EVC2: variants seen among roughly 807,000 people sequenced by gnomAD.
The protein encoded by EVC2 is limbin.
EVC2 carries 148 observed loss-of-function variants against 149.3 expected under a neutral mutation model. The ratio of observed to expected loss-of-function variants is 0.99; its 90% CI spans 0.87 to 1.14. The LOEUF is 1.14. Among genes scored for constraint, EVC2 ranks in the 50% most tolerant of loss-of-function variants. The pLI, the probability that EVC2 is intolerant of heterozygous loss-of-function variation, is 0.00. For synonymous variants in EVC2, 776 were observed against 649.9 expected (o/e 1.19, Z -2.95); for missense variants, 1,854 against 1,627.3 (o/e 1.14, Z -2.40).
chr4:5,703,652 A>G (rs1409731262), intron 1 of EVC2, among the ~76,000 whole-genome samples: 2 of 152,154 alleles, frequency 1.3e-5, no homozygotes, highest in Non-Finnish European at 2.9e-5. Context: ...ATCACCTACT[A>G]TGTGCTATTT....
At chr4:5,581,686 G>A (rs925237226) in intron 17 of EVC2, among the ~76,000 whole-genome samples, 5 of 152,028 alleles carry the variant, frequency 3.3e-5, no homozygotes, top group African/African-American at 9.7e-5. Flanking sequence ...GTGTAAAAGT[G>A]TGGAAAATTT....
chr4:5,677,442 C>T lies in EVC2; in HGVS notation c.870+3818G>A, dbSNP rs1039677598. Reference sequence around the variant, plus strand: ...AGCCTGGGGGCGCCTGTCCTGGGGGCTGGTGTGGCTGAAATCCAGCCCCAG... The same window carrying T: ...AGCCTGGGGGCGCCTGTCCTGGGGGTTGGTGTGGCTGAAATCCAGCCCCAG... On this transcript the variant is annotated intron_variant, in intron 7 of 21. Coordinates refer to ENST00000344408, the MANE Select transcript of EVC2 (RefSeq NM_147127.5). This position sits in a 1 kb window ranked among gnomAD's most constrained non-coding sequence, Gnocchi z 4.3. 1.3e-5 allele frequency among the ~76,000 whole-genome samples: 2 copies of T among 152,210 alleles called. No homozygotes were observed. Among genetic ancestry groups the T allele is most frequent in the African/African-American group, 4.8e-5 (2 of 41,452 alleles).
intron 1 of EVC2, among the ~76,000 whole-genome samples, chr4:5,700,267 A>C (rs2151742442): frequency 6.6e-6 from 1 of 152,328 alleles, no homozygotes; most frequent in Middle Eastern, 3.4e-3. Flanking sequence ...AACTCTTCTA[A>C]AAATTACAGT....
At chr4:5,602,547 G>A (rs920798461) in intron 16 of EVC2, among the ~76,000 whole-genome samples, 1 of 151,652 alleles carries the variant, frequency 6.6e-6, no homozygotes, top group Non-Finnish European at 1.5e-5. Context: ...AGTGGTCCAG[G>A]TTTAGAGAAG....
intron 10 of EVC2, among the ~76,000 whole-genome samples, chr4:5,638,337 C>A (rs929232854): frequency 1.3e-5 from 2 of 150,498 alleles, no homozygotes; most frequent in Non-Finnish European, 2.9e-5. Flanking sequence ...TGCAGTGAGC[C>A]AAGACTGCAC....
chr4:5,615,280 C>T (rs1156235683), intron 16 of EVC2, 142 bp downstream of exon 16: 3 of 1,395,020 alleles, frequency 2.2e-6, no homozygotes, highest in Non-Finnish European at 3.0e-6. Context: ...CTCTTTCTTA[C>T]CTTAGCACCT....
chr4:5,564,986 A>T (rs188342627), intron 21 of EVC2, among the ~76,000 whole-genome samples: 1 of 152,366 alleles, frequency 6.6e-6, no homozygotes, highest in East Asian at 1.9e-4. Context: ...GAATTCTTCT[A>T]ATTACATTCC....
At chr4:5,595,725 C>G (rs1404555101) in intron 16 of EVC2, among the ~76,000 whole-genome samples, 4 of 152,128 alleles carry the variant, frequency 2.6e-5, no homozygotes, top group African/African-American at 9.7e-5. Context: ...ACAATATTAA[C>G]TTTAAATGTA....
intron 16 of EVC2, among the ~76,000 whole-genome samples, chr4:5,585,578 T>G (rs114051301): frequency 9.3e-4 from 142 of 152,318 alleles, no homozygotes; most frequent in African/African-American, 3.4e-3. Context: ...GAGTTTAGTT[T>G]GTTTTTTTAA....
intron 9 of EVC2, among the ~76,000 whole-genome samples, chr4:5,651,127 A>C (rs780745908): frequency 6.6e-6 from 1 of 151,986 alleles, no homozygotes; most frequent in Non-Finnish European, 1.5e-5. Context: ...AGACGGAGGG[A>C]TAGATGAATG....
chr4:5,550,063 T>A (rs1721707179), intron 21 of EVC2, among the ~76,000 whole-genome samples: 1 of 152,208 alleles, frequency 6.6e-6, no homozygotes, highest in African/African-American at 2.4e-5. Flanking sequence ...TATTCAGCAT[T>A]TTTCCTGTAT....
Position 5,640,516 on chromosome 4 carries a change from T to A in EVC2, c.1468A>T (p.Arg490Trp). 6.2e-7 allele frequency: 1 copy of A among 1,614,134 alleles called. No homozygotes were observed. Among genetic ancestry groups the A allele is most frequent in the Non-Finnish European group, 8.5e-7 (1 of 1,180,024 alleles). The change falls in exon 10 of 22, where the codon AGG (arginine) becomes TGG (tryptophan). Residue 490 changes from arginine (R) to tryptophan (W), a missense_variant and splice_region_variant. Coordinates refer to ENST00000344408, the MANE Select transcript of EVC2 (RefSeq NM_147127.5). This position sits in a 1 kb window ranked among gnomAD's most constrained non-coding sequence, Gnocchi z 4.6. Reference protein sequence around the residue: ...AEELLKRAGERSAVECSNLLR... With the variant: ...AEELLKRAGEWSAVECSNLLR... ...CCTTCCTTTCAGACCTGTCTTACCC[T>A]CTCACCAGCACGTTTCAGCAACTCT...
At chr4:5,619,325 T>C (rs1382312605) in intron 14 of EVC2, among the ~76,000 whole-genome samples, 2 of 152,218 alleles carry the variant, frequency 1.3e-5, no homozygotes, top group African/African-American at 2.4e-5. Flanking sequence ...TGAGGCCATA[T>C]TGGAGCACAG....
rs886037764 is a variant in EVC2 at position 5,576,371 on chromosome 4, C to T, written c.3141G>A (p.Trp1047Ter). Residue 1047 changes from tryptophan (W) to a stop codon, truncating the protein, a stop_gained, in exon 18 of 22, where the codon TGG becomes TGA. Coordinates refer to ENST00000344408, the MANE Select transcript of EVC2 (RefSeq NM_147127.5). LOFTEE classifies it high-confidence loss of function. The surrounding 1 kb of genome is among the most constrained non-coding windows in gnomAD (Gnocchi z 4.5). The stretch of plus-strand genomic sequence containing the variant: ...CGGGCCCATCGGCCACCCACTGCTG[C>T]CAGCTCGCCAGGGCCTGCTGCTGCT... ...AAQQQQALAS[W>*]QQWVADGPGI... 1 of 1,614,166 alleles carries T rather than the reference C, an allele frequency of 6.2e-7. No homozygotes were observed. The highest frequency in any genetic ancestry group is 8.5e-7 in the Non-Finnish European group (1 of 1,180,030).
chr4:5,656,667 G>A lies in EVC2; in HGVS notation c.1145+6440C>T, dbSNP rs186473532. On this transcript the variant is annotated intron_variant, in intron 9 of 21. Transcript: ENST00000344408. ...GCCAAGAAGTGCTGCAGCCTTGGAA[G>A]CCCCAGAAGCTGGAAGAGACAGGAA... is the stretch of plus-strand genomic sequence containing the variant. Among the ~76,000 whole-genome samples the A allele has an allele frequency of 5.2e-3, 793 of 152,242 alleles. 15 individuals are homozygous for A. The highest frequency in any genetic ancestry group is 0.016 in the African/African-American group (683 of 41,540).
intron 10 of EVC2, among the ~76,000 whole-genome samples, chr4:5,639,956 G>A (rs922118854): frequency 2.0e-5 from 3 of 152,190 alleles, no homozygotes; most frequent in Non-Finnish European, 4.4e-5. Flanking sequence ...CTAGCCCAGT[G>A]CCTGAGAGAC....
chr4:5,553,257 T>G (rs1052831127), intron 21 of EVC2, among the ~76,000 whole-genome samples: 1 of 152,016 alleles, frequency 6.6e-6, no homozygotes, highest in African/African-American at 2.4e-5. Flanking sequence ...GGGGGGTGGG[T>G]GGTTTTAAAC....
intron 2 of EVC2, among the ~76,000 whole-genome samples, chr4:5,695,389 C>G (rs1721410976): frequency 6.6e-6 from 1 of 152,014 alleles, no homozygotes; most frequent in African/African-American, 2.4e-5. Context: ...AAATGACTCC[C>G]TTAGATTTTT....
At chr4:5,703,675 TACGTTG>T (rs2071625508) in intron 1 of EVC2, among the ~76,000 whole-genome samples, 1 of 152,188 alleles carries the variant, frequency 6.6e-6, no homozygotes, top group Admixed American at 6.5e-5. Flanking sequence ...AAAATGAGGA[TACGTTG>T]ACAAACGAGA....
Sources: allele counts gnomAD v4.1 joint callset (sites outside exome capture counted in the v4.1 genomes callset), GRCh38; gene constraint gnomAD v4.1.1; non-coding constraint Gnocchi (gnomAD v3.1); transcripts MANE v1.5; gene names NCBI Gene and HGNC (gene_info 2026-07-23, HGNC 2026-07-21).